ADAMTS19: variants seen among roughly 807,000 people sequenced by gnomAD.
ADAMTS19 encodes A disintegrin and metalloproteinase with thrombospondin motifs 19.
Under a neutral mutation model 153.3 loss-of-function variants are expected in ADAMTS19, and 93 were observed. That is an observed-to-expected ratio of 0.61 (90% CI 0.51 to 0.72). The LOEUF is 0.72. Ranked by LOEUF, ADAMTS19 falls within the 30% of genes least tolerant of loss-of-function variation. ADAMTS19 has a pLI of 0.00. For missense variants in ADAMTS19, 1,482 were observed against 1,552.1 expected, an observed-to-expected ratio of 0.95 and a Z score of 0.76; for synonymous variants, 600 against 556.6, an observed-to-expected ratio of 1.08 and a Z score of -1.10.
chr5:129,488,760 G>A (rs1159775069), intron 2 of ADAMTS19, among the ~76,000 whole-genome samples: 5 of 152,060 alleles, frequency 3.3e-5, no homozygotes, highest in Admixed American at 3.3e-4. Context: ...CATGGTGGAA[G>A]TGAAAGGAAA....
chr5:129,484,266 A>T (rs552749809), intron 2 of ADAMTS19, among the ~76,000 whole-genome samples: 1 of 152,284 alleles, frequency 6.6e-6, no homozygotes, highest in East Asian at 1.9e-4. Flanking sequence ...AGATTTCATG[A>T]ATGTTAACAT....
At chr5:129,534,908 T>C (rs1432222773) in intron 6 of ADAMTS19, among the ~76,000 whole-genome samples, 1 of 152,224 alleles carries the variant, frequency 6.6e-6, no homozygotes, top group Non-Finnish European at 1.5e-5. Flanking sequence ...AATTAGCTAT[T>C]GATGGGGCGT....
At chr5:129,524,595 TAAAC>T (rs1283496297) in intron 3 of ADAMTS19, among the ~76,000 whole-genome samples, 6 of 137,422 alleles carry the variant, frequency 4.4e-5, no homozygotes, top group African/African-American at 1.9e-4. Flanking sequence ...ATAAGGAACT[TAAAC>T]AAATTTACAA....
chr5:129,552,598 T>C lies in ADAMTS19; in HGVS notation c.1372+691T>C, dbSNP rs73787573. Among the ~76,000 whole-genome samples, 590 of 151,850 alleles carry C rather than the reference T, an allele frequency of 3.9e-3. 2 individuals carry two copies. Among genetic ancestry groups the C allele is most frequent in the African/African-American group, 0.013 (556 of 41,488 alleles). On this transcript the variant is annotated intron_variant, in intron 7 of 22. Coordinates refer to ENST00000274487, the MANE Select transcript of ADAMTS19 (RefSeq NM_133638.6). ...AACAATATATTATTGGTAAGGTTCA[T>C]TTAAGAATTGTAATCTAATTTTGGC...
At chr5:129,522,596 T>G (rs1581035022) in intron 3 of ADAMTS19, among the ~76,000 whole-genome samples, 1 of 151,970 alleles carries the variant, frequency 6.6e-6, no homozygotes, top group South Asian at 2.1e-4. Context: ...ATTACATATT[T>G]TTAAAATCTC....
chr5:129,516,341 T>C (rs1200606873), intron 3 of ADAMTS19, among the ~76,000 whole-genome samples: 1 of 151,374 alleles, frequency 6.6e-6, no homozygotes, highest in African/African-American at 2.4e-5. Context: ...TTCCCTCCTC[T>C]TATATATTTT....
At chr5:129,585,253 T>A (rs912823872) in intron 7 of ADAMTS19, among the ~76,000 whole-genome samples, 1 of 151,310 alleles carries the variant, frequency 6.6e-6, no homozygotes, top group African/African-American at 2.4e-5. Flanking sequence ...CCCAGTGAGA[T>A]GAGCCGGGTA....
At chr5:129,503,680 A>C (rs1751178422) in intron 2 of ADAMTS19, among the ~76,000 whole-genome samples, 1 of 151,952 alleles carries the variant, frequency 6.6e-6, no homozygotes, top group Admixed American at 6.6e-5. Flanking sequence ...CTCTACTAAA[A>C]ATATGTGGGT....
chr5:129,734,497 T>C (rs927197489), intron 21 of ADAMTS19, among the ~76,000 whole-genome samples: 2 of 152,010 alleles, frequency 1.3e-5, no homozygotes, highest in Non-Finnish European at 2.9e-5. Context: ...ATTTAAAGAC[T>C]GTAACAAGGA....
intron 16 of ADAMTS19, among the ~76,000 whole-genome samples, chr5:129,670,091 G>A (rs1754237300): frequency 6.6e-6 from 1 of 151,972 alleles, no homozygotes; most frequent in African/African-American, 2.4e-5. Flanking sequence ...GACGCATCAG[G>A]AAATCATTTC....
chr5:129,543,341 T>C (rs975795418), intron 6 of ADAMTS19, among the ~76,000 whole-genome samples: 1 of 152,086 alleles, frequency 6.6e-6, no homozygotes, highest in Admixed American at 6.6e-5. Flanking sequence ...CGTGAGCCAC[T>C]GCACCCAGCC....
rs546699778 is a variant in ADAMTS19, at chr5:129,719,116, G to A, written c.3312+14725G>A. ...TTTAAGAATTAAAAAACAGACTGCT[G>A]TTAGTTGAGTTTTTTAATCTAACAA... On this transcript the variant is annotated intron_variant, in intron 21 of 22. Coordinates refer to ENST00000274487, the MANE Select transcript of ADAMTS19 (RefSeq NM_133638.6). Among the ~76,000 whole-genome samples the A allele has an allele frequency of 5.9e-5, 9 of 152,148 alleles. No individual in the cohort carries two copies. In the South Asian group the frequency reaches 1.7e-3, roughly 28 times the overall value.
chr5:129,529,745 C>A (rs1223425999), intron 6 of ADAMTS19, among the ~76,000 whole-genome samples: 1 of 152,050 alleles, frequency 6.6e-6, no homozygotes, highest in East Asian at 1.9e-4. Flanking sequence ...TGGAGAGGTG[C>A]CATGAAGTAC....
rs138761637 is a variant in ADAMTS19, at chr5:129,467,312, A to G, written c.747+5555A>G. Among the ~76,000 whole-genome samples, 448 of 152,296 alleles carry G rather than the reference A, an allele frequency of 2.9e-3. 3 individuals are homozygous for G. Among genetic ancestry groups the G allele is most frequent in the Admixed American group, 9.9e-3 (151 of 15,296 alleles). The stretch of plus-strand genomic sequence containing the variant: ...TGATTTTGTTGATATAACCAAGATT[A>G]GTTAGGGAGAGGTTAAGAGACCAGT... On this transcript the variant is annotated intron_variant, in intron 2 of 22. Coordinates refer to ENST00000274487, the MANE Select transcript of ADAMTS19 (RefSeq NM_133638.6).
chr5:129,691,664 C>T (rs1341862918), intron 18 of ADAMTS19, among the ~76,000 whole-genome samples: 1 of 152,104 alleles, frequency 6.6e-6, no homozygotes, highest in Non-Finnish European at 1.5e-5. Flanking sequence ...AAGAGCTAAG[C>T]TTCCCCTAGC....
chr5:129,511,624 C>A (rs533249265), intron 3 of ADAMTS19, among the ~76,000 whole-genome samples: 1 of 151,142 alleles, frequency 6.6e-6, no homozygotes, highest in East Asian at 2.0e-4. Context: ...ACTTAGCATA[C>A]AAGATCCCAA....
chr5:129,719,028 T>C (rs1756854716), intron 21 of ADAMTS19, among the ~76,000 whole-genome samples: 2 of 152,284 alleles, frequency 1.3e-5, no homozygotes, highest in South Asian at 4.1e-4. Context: ...GTAATCTCTG[T>C]GCTGGCCAAG....
At chr5:129,669,197 CA>C (rs1202707898) in intron 16 of ADAMTS19, among the ~76,000 whole-genome samples, 4 of 151,342 alleles carry the variant, frequency 2.6e-5, no homozygotes, top group East Asian at 1.9e-4. Flanking sequence ...TATCCACATG[CA>C]AAAAAAATGA....
Position 129,578,075 on chromosome 5 carries a change from C to T in ADAMTS19, c.1373-18484C>T, listed in dbSNP as rs1308114458. Among the ~76,000 whole-genome samples, 10 of 128,894 alleles carry T rather than the reference C, an allele frequency of 7.8e-5. 1 individual carries two copies. Among genetic ancestry groups the T allele is most frequent in the South Asian group, 2.6e-4 (1 of 3,796 alleles). The allele number at this position is 128,894 out of a possible 152,430, so 84.6% of individuals were successfully genotyped here. A position where few individuals can be genotyped will look rare whatever the true frequency, so the allele number is the denominator to read the frequency against. On this transcript the variant is annotated intron_variant, in intron 7 of 22. Coordinates refer to ENST00000274487, the MANE Select transcript of ADAMTS19 (RefSeq NM_133638.6). The stretch of plus-strand genomic sequence containing the variant: ...ACACACACACACACACACACACACA[C>T]ACACATATATACATATACATACATA...
Sources: gnomAD v4.1 joint callset for allele counts (sites outside exome capture counted in the v4.1 genomes callset) on GRCh38, gnomAD v4.1.1 for gene constraint, MANE v1.5 for transcripts, NCBI Gene and HGNC (gene_info 2026-07-23, HGNC 2026-07-21) for gene names.